PCDHGA1: variants seen among roughly 807,000 people sequenced by gnomAD.
PCDHGA1 encodes protocadherin gamma-A1.
In PCDHGA1, 32 loss-of-function variants were observed where a neutral mutation model predicts 58.0. The observed-to-expected ratio is 0.55, with a 90% confidence interval of 0.42 to 0.74. The LOEUF (loss-of-function observed/expected upper bound fraction) is 0.74. PCDHGA1 is among the 30% of genes least tolerant of loss of function. The pLI is 0.00. For missense variants in PCDHGA1, 1,205 were observed against 1,182.3 expected (o/e 1.02, Z -0.28); for synonymous variants, 498 against 501.1 (o/e 0.99, Z 0.08).
chr5:141,472,980 C>CAAAAAAAAAAAAAAAAAGAAAAAAAAA (rs2099309731), intron 1 of PCDHGA1, among the ~76,000 whole-genome samples: 1 of 86,106 alleles, frequency 1.2e-5, no homozygotes, highest in Non-Finnish European at 2.5e-5. Flanking sequence ...GAGTGAAACT[C>CAAAAAAAAAAAAAAAAAGAAAAAAAAA]AAAAAAAAAA....
chr5:141,507,296 C>T (rs1020117646), intron 3 of PCDHGA1: 1 of 141,360 alleles, frequency 7.1e-6, no homozygotes, highest in Non-Finnish European at 1.5e-5. Flanking sequence ...TCAAATGTTG[C>T]ATGAGACATA....
intron 1 of PCDHGA1, chr5:141,333,900 C>G (rs569210874): frequency 1.3e-5 from 2 of 152,136 alleles, no homozygotes; most frequent in Non-Finnish European, 2.9e-5. Context: ...AAATGAACAA[C>G]ACAAAATTTA....
intron 1 of PCDHGA1, chr5:141,350,574 C>A: frequency 6.2e-7 from 1 of 1,614,004 alleles, no homozygotes; most frequent in East Asian, 2.2e-5. Flanking sequence ...GAATTCGAAA[C>A]GGTCGCTGAA....
At chr5:141,388,794 A>G (rs879026266) in intron 1 of PCDHGA1, 1 of 1,613,898 alleles carries the variant, frequency 6.2e-7, no homozygotes, top group Non-Finnish European at 8.5e-7. Context: ...TGTTTTAAAT[A>G]CATTAGATTT....
Position 141,331,855 on chromosome 5 carries a change from C to T in PCDHGA1, c.1171C>T (p.Pro391Ser), listed in dbSNP as rs1232947431. 1.2e-6 allele frequency: 2 copies of T among 1,613,998 alleles called. No homozygotes were observed. Among genetic ancestry groups the T allele is most frequent in the African/African-American group, 1.3e-5 (1 of 74,880 alleles). ...CACATGTTTCATTCCTGGAAATTTACCCTTTAAATTGGAAAAGTTAGTTGA... is the reference window on the plus strand; with the variant it reads ...CACATGTTTCATTCCTGGAAATTTATCCTTTAAATTGGAAAAGTTAGTTGA... ...YTTCFIPGNL[P>S]FKLEKLVDNY... Residue 391 changes from proline to serine, a missense_variant, in exon 1 of 4, where the codon CCC becomes TCC. Transcript: ENST00000517417.
intron 1 of PCDHGA1, chr5:141,383,303 C>A (rs1445366017): frequency 5.0e-6 from 8 of 1,613,892 alleles, no homozygotes; most frequent in Non-Finnish European, 6.8e-6. Flanking sequence ...AGATTCTTGA[C>A]GGAAGAAATA....
rs553462245 is a variant in PCDHGA1 at position 141,511,198 on chromosome 5, A to T, written c.*25A>T. Reference sequence around the variant, plus strand: ...ACATGGAGGCCAGGCCAAGAGCCACAGGGCGGCCTCTCCCCAACCAGCCCA... The same window carrying T: ...ACATGGAGGCCAGGCCAAGAGCCACTGGGCGGCCTCTCCCCAACCAGCCCA... On this transcript the variant is annotated 3_prime_UTR_variant, in exon 4 of 4. Transcript: ENST00000517417. The T allele has an allele frequency of 2.7e-5, 43 of 1,612,954 alleles. 1 individual carries two copies. The South Asian group carries it at 4.5e-4, about 17-fold the overall frequency.
intron 1 of PCDHGA1, among the ~76,000 whole-genome samples, chr5:141,483,945 ATTGTG>A (rs2099589210): frequency 8.3e-6 from 1 of 120,394 alleles, no homozygotes; most frequent in Non-Finnish European, 1.6e-5. Context: ...TACGGTGTGA[ATTGTG>A]TTGTGTTTCT....
At chr5:141,394,199 A>T (rs1353569032) in intron 1 of PCDHGA1, 1 of 1,613,840 alleles carries the variant, frequency 6.2e-7, no homozygotes, top group Non-Finnish European at 8.5e-7. Context: ...CGTATATCCT[A>T]GAGAACAACC....
rs767547572 is a variant in PCDHGA1 at position 141,505,495 on chromosome 5, G to C, written c.2569+14G>C. On this transcript the variant is annotated intron_variant, in intron 3 of 3. Coordinates refer to ENST00000517417, the MANE Select transcript of PCDHGA1 (RefSeq NM_018912.3). The stretch of plus-strand genomic sequence containing the variant: ...CGTCCGCCAGTGGTAAGTGGTGTCA[G>C]TGTGTGTATGGAAGAGTGGGAGACC... 5 of 1,614,210 alleles carry C rather than the reference G, an allele frequency of 3.1e-6. No individual in the cohort carries two copies. Among genetic ancestry groups the C allele is most frequent in the Non-Finnish European group, 4.2e-6 (5 of 1,180,000 alleles).
At chr5:141,363,943 T>C (rs1763121140) in intron 1 of PCDHGA1, among the ~76,000 whole-genome samples, 1 of 152,216 alleles carries the variant, frequency 6.6e-6, no homozygotes, top group African/African-American at 2.4e-5. Context: ...AATAATCATA[T>C]TGATCTCAGG....
chr5:141,379,834 GA>G (rs199662644), intron 1 of PCDHGA1, among the ~76,000 whole-genome samples: 1 of 141,412 alleles, frequency 7.1e-6, no homozygotes, highest in Non-Finnish European at 1.5e-5. Context: ...GAAGCATCAG[GA>G]AAAAAAACTA....
chr5:141,412,952 T>C, intron 1 of PCDHGA1: 1 of 482,218 alleles, frequency 2.1e-6, no homozygotes, highest in Non-Finnish European at 3.6e-6. Context: ...AGCGCCGCTG[T>C]TCACCTACTA....
At chr5:141,352,674 G>C (rs1759076156) in intron 1 of PCDHGA1, 1 of 1,575,506 alleles carries the variant, frequency 6.3e-7, no homozygotes, top group Non-Finnish European at 8.6e-7. Flanking sequence ...TCGCACGTGA[G>C]TTTCTGCAAA....
Position 141,422,964 on chromosome 5 carries a change from G to C in PCDHGA1, c.2422-71843G>C, listed in dbSNP as rs375881737. 1.0e-4 allele frequency: 161 copies of C among 1,614,190 alleles called. No individual in the cohort carries two copies. In the African/African-American group the frequency reaches 1.9e-3, roughly 20 times the overall value. ...ACGGCTCCACTGGCGTGGAGCTGGC[G>C]CCCCGCTCTGCGGAACCTGGCTACC... On this transcript the variant is annotated intron_variant, in intron 1 of 3. Coordinates refer to ENST00000517417, the MANE Select transcript of PCDHGA1 (RefSeq NM_018912.3).
chr5:141,463,644 G>C (rs1356692609), intron 1 of PCDHGA1, among the ~76,000 whole-genome samples: 1 of 151,596 alleles, frequency 6.6e-6, no homozygotes, highest in Non-Finnish European at 1.5e-5. Context: ...GTAGAGACGG[G>C]GTTTCACCGT....
chr5:141,438,037 G>A (rs2097925203), intron 1 of PCDHGA1, among the ~76,000 whole-genome samples: 1 of 151,910 alleles, frequency 6.6e-6, no homozygotes, highest in African/African-American at 2.4e-5. Flanking sequence ...CACCATGCCC[G>A]ACCACTTTGA....
intron 1 of PCDHGA1, among the ~76,000 whole-genome samples, chr5:141,358,331 G>C (rs1760885961): frequency 6.6e-6 from 1 of 152,204 alleles, no homozygotes; most frequent in East Asian, 1.9e-4. Flanking sequence ...TGAAGCTATT[G>C]TTGGATCTGG....
At chr5:141,368,564 A>G (rs1368053393) in intron 1 of PCDHGA1, among the ~76,000 whole-genome samples, 1 of 152,176 alleles carries the variant, frequency 6.6e-6, no homozygotes, top group African/African-American at 2.4e-5. Flanking sequence ...AAAATGTTAT[A>G]TGCTTCTTAG....
Sources: gnomAD v4.1 joint callset for allele counts (sites outside exome capture counted in the v4.1 genomes callset) on GRCh38, gnomAD v4.1.1 for gene constraint, MANE v1.5 for transcripts, NCBI Gene and HGNC (gene_info 2026-07-23, HGNC 2026-07-21) for gene names.